The following ZNF461 variants were observed in gnomAD, a reference collection of about 807,000 sequenced individuals.
The protein encoded by ZNF461 is zinc finger protein 461.
A neutral mutation model predicts 18.3 loss-of-function variants in ZNF461; 16 were observed. The ratio of observed to expected loss-of-function variants is 0.88; its 90% CI spans 0.59 to 1.33. ZNF461 has a LOEUF of 1.33. Among genes scored for constraint, ZNF461 ranks in the 40% most tolerant of loss-of-function variants. ZNF461 has a pLI of 0.00. For synonymous variants in ZNF461, 179 were observed against 216.9 expected, an observed-to-expected ratio of 0.83 and a Z score of 1.54; for missense variants, 595 against 669.9, an observed-to-expected ratio of 0.89 and a Z score of 1.23.
At chr19:36,650,395 T>C (rs1411556685) in intron 4 of ZNF461, among the ~76,000 whole-genome samples, 2 of 152,216 alleles carry the variant, frequency 1.3e-5, no homozygotes, top group Admixed American at 6.5e-5. Context: ...TCTACTAAGA[T>C]AAAATAGGCA....
intron 2 of ZNF461, among the ~76,000 whole-genome samples, chr19:36,662,381 C>G (rs973507051): frequency 6.6e-6 from 1 of 151,942 alleles, no homozygotes; most frequent in Non-Finnish European, 1.5e-5. Context: ...CTCAGCCTCC[C>G]GAGTAGCTGG....
intron 4 of ZNF461, among the ~76,000 whole-genome samples, chr19:36,648,319 G>A (rs560220853): frequency 3.9e-5 from 6 of 152,220 alleles, no homozygotes; most frequent in African/African-American, 1.4e-4. Context: ...TGGAAGCTGA[G>A]CAGGGCCATG....
At chr19:36,662,746 A>G (rs781121137) in intron 2 of ZNF461, among the ~76,000 whole-genome samples, 2 of 152,118 alleles carry the variant, frequency 1.3e-5, no homozygotes, top group Non-Finnish European at 2.9e-5. Flanking sequence ...GTTGTATTTC[A>G]CTATATTCAG....
chr19:36,643,887 A>T, intron 4 of ZNF461, 25 bp from the exon 5 acceptor site: 1 of 1,418,816 alleles, frequency 7.0e-7, no homozygotes. Flanking sequence ...AAGAATAAAT[A>T]CTTCATTTTA....
At chr19:36,655,080 C>G (rs980642044) in intron 4 of ZNF461, among the ~76,000 whole-genome samples, 3 of 152,164 alleles carry the variant, frequency 2.0e-5, no homozygotes, top group Non-Finnish European at 4.4e-5. Flanking sequence ...CCTCAAACTC[C>G]TGGGCTCAAG....
intron 4 of ZNF461, among the ~76,000 whole-genome samples, chr19:36,650,248 A>T (rs2037603336): frequency 2.0e-5 from 3 of 152,144 alleles, no homozygotes; most frequent in Non-Finnish European, 2.9e-5. Context: ...AATTTTCAAA[A>T]CAACTATAAG....
intron 4 of ZNF461, among the ~76,000 whole-genome samples, chr19:36,644,414 G>A (rs1388437036): frequency 3.3e-5 from 5 of 150,424 alleles, no homozygotes; most frequent in East Asian, 2.0e-4. Flanking sequence ...GATTACAGGC[G>A]TGAACCACCG....
chr19:36,665,577 C>T lies in ZNF461; in HGVS notation c.-80-791G>A, dbSNP rs539711400. Among the ~76,000 whole-genome samples, 487 of 151,932 alleles carry T rather than the reference C, an allele frequency of 3.2e-3. 5 individuals are homozygous for T. Among genetic ancestry groups the T allele is most frequent in the African/African-American group, 0.011 (448 of 41,444 alleles). ...TACAAAAATTAGCTGGGTGTGGTGG[C>T]GGATGCCTGTAATCCCAGCTACTCG... On this transcript the variant is annotated intron_variant, in intron 1 of 5. Coordinates refer to ENST00000588268, the MANE Select transcript of ZNF461 (RefSeq NM_153257.5).
intron 3 of ZNF461, among the ~76,000 whole-genome samples, chr19:36,656,912 C>T (rs573768693): frequency 2.0e-5 from 3 of 151,634 alleles, no homozygotes; most frequent in Admixed American, 6.6e-5. Flanking sequence ...CTCCACTTCA[C>T]GGGTTCAAGT....
At chr19:36,646,731 G>A (rs1159926239) in intron 4 of ZNF461, among the ~76,000 whole-genome samples, 4 of 152,106 alleles carry the variant, frequency 2.6e-5, no homozygotes, top group South Asian at 2.1e-4. Context: ...TGAGATCCAC[G>A]TGTCTTCTTT....
chr19:36,663,516 ATT>A (rs753269882), intron 2 of ZNF461, among the ~76,000 whole-genome samples: 38,555 of 129,250 alleles, frequency 0.3, 5,762 homozygotes, highest in East Asian at 0.53. Flanking sequence ...TTATTATGTA[ATT>A]TTTTTTTTTT....
chr19:36,658,255 C>T (rs375475059), intron 3 of ZNF461, 44 bp downstream of exon 3: 29 of 1,560,290 alleles, frequency 1.9e-5, no homozygotes, highest in East Asian at 4.6e-5. Flanking sequence ...GAATTGTTAG[C>T]GGAATTCTGA....
At chr19:36,641,512 T>C (rs935876911) in intron 5 of ZNF461, among the ~76,000 whole-genome samples, 6 of 150,878 alleles carry the variant, frequency 4.0e-5, no homozygotes, top group African/African-American at 1.5e-4. Flanking sequence ...AGTAAGACTG[T>C]CTCAGAAACA....
At chr19:36,656,163 A>G (rs1311401510) in intron 4 of ZNF461, among the ~76,000 whole-genome samples, 2 of 151,500 alleles carry the variant, frequency 1.3e-5, no homozygotes, top group East Asian at 3.9e-4. Context: ...GCGCCCGGCT[A>G]ATTTTTTGTA....
At chr19:36,655,048 G>A (rs2037692304) in intron 4 of ZNF461, among the ~76,000 whole-genome samples, 1 of 152,092 alleles carries the variant, frequency 6.6e-6, no homozygotes, top group African/African-American at 2.4e-5. Context: ...GAGTAAAGTG[G>A]TACAATCTTG....
chr19:36,639,417 A>G lies in ZNF461; in HGVS notation c.928T>C (p.Phe310Leu). The stretch of plus-strand genomic sequence containing the variant: ...TGAGTAAGCTGTGATCGCTGTCTAA[A>G]GGCCTTCCCACATTCTTTACATTCA... Reference protein sequence around the residue: ...PYECKECGKAFRQRSQLTQHQ... With the variant: ...PYECKECGKALRQRSQLTQHQ... The change falls in exon 6 of 6, where the codon TTT (phenylalanine) becomes CTT (leucine). Residue 310 changes from phenylalanine (F) to leucine (L), a missense_variant. By Grantham distance (22) the Phe-to-Leu change is conservative. Coordinates refer to ENST00000588268, the MANE Select transcript of ZNF461 (RefSeq NM_153257.5). The G allele has an allele frequency of 6.2e-7, 1 of 1,614,050 alleles. No individual in the cohort carries two copies. The highest frequency in any genetic ancestry group is 1.1e-5 in the South Asian group (1 of 91,080).
At chr19:36,642,534 G>A (rs3108608) in intron 5 of ZNF461, among the ~76,000 whole-genome samples, 101,017 of 151,828 alleles carry the variant, frequency 0.67, 33,881 homozygotes, top group East Asian at 0.82. Flanking sequence ...ATATGGGGAA[G>A]TGCAGGCAGG....
Position 36,658,417 on chromosome 19 carries a change from C to T in ZNF461, c.18G>A (p.Val6=). 3.7e-6 allele frequency: 6 copies of T among 1,607,078 alleles called. No homozygotes were observed. The highest frequency in any genetic ancestry group is 4.2e-6 in the Non-Finnish European group (5 of 1,177,192). The change falls in exon 3 of 6, where the codon GTG becomes GTA. Residue 6 remains valine, a synonymous_variant. Transcript: ENST00000588268. The stretch of plus-strand genomic sequence containing the variant: ...CATCTATAGCCACATCTCTGAACAT[C>T]ACCAACTCCTAAAATGACAAATAAT... MAHEL[V]MFRDVAIDVS...
intron 4 of ZNF461, among the ~76,000 whole-genome samples, chr19:36,645,420 TATTA>T (rs1003044117): frequency 2.0e-5 from 3 of 152,212 alleles, no homozygotes; most frequent in East Asian, 1.9e-4. Flanking sequence ...TGTAAATAAA[TATTA>T]ATTATAGCAT....
Sources: gnomAD v4.1 joint callset for allele counts (sites outside exome capture counted in the v4.1 genomes callset) on GRCh38, gnomAD v4.1.1 for gene constraint, MANE v1.5 for transcripts, NCBI Gene and HGNC (gene_info 2026-07-23, HGNC 2026-07-21) for gene names.